SEPTIN10: variants seen among roughly 807,000 people sequenced by gnomAD.
SEPTIN10 encodes septin-10.
In SEPTIN10, 66 loss-of-function variants were observed where a neutral mutation model predicts 54.8. The observed-to-expected ratio is 1.21, with a 90% CI of 0.99 to 1.48. SEPTIN10 has a LOEUF of 1.48. Among genes scored for constraint, SEPTIN10 ranks in the 40% most tolerant of loss-of-function variants. The probability of loss-of-function intolerance (pLI) is 0.00; values close to 1 mark genes in which losing one functional copy is unlikely to be tolerated. For synonymous variants in SEPTIN10, 161 were observed against 181.0 expected (o/e 0.89, Z 0.89); for missense variants, 620 against 545.6 (o/e 1.14, Z -1.36).
At chr2:109,592,064 G>A (rs1372417689) in intron 2 of SEPTIN10, among the ~76,000 whole-genome samples, 1 of 152,094 alleles carries the variant, frequency 6.6e-6, no homozygotes, top group East Asian at 1.9e-4. Context: ...GAAGCATAAG[G>A]TGTAATCTTG....
At chr2:109,588,619 G>A (rs1371250610) in intron 2 of SEPTIN10, among the ~76,000 whole-genome samples, 5 of 151,968 alleles carry the variant, frequency 3.3e-5, no homozygotes, top group Non-Finnish European at 7.4e-5. Context: ...TCAGCCTCAC[G>A]AGTAGCTGGG....
At chr2:109,560,428 G>C (rs1309971271) in intron 8 of SEPTIN10, among the ~76,000 whole-genome samples, 1 of 152,130 alleles carries the variant, frequency 6.6e-6, no homozygotes, top group East Asian at 1.9e-4. Flanking sequence ...TCTCCTATCT[G>C]CTCCTCCAGC....
chr2:109,569,379 C>T (rs151072799), intron 5 of SEPTIN10, among the ~76,000 whole-genome samples: 3,545 of 150,208 alleles, frequency 0.024, 61 homozygotes, highest in Middle Eastern at 0.062. Flanking sequence ...TGCAGTGAGC[C>T]GAGATCGCGT....
At chr2:109,575,973 T>C (rs971559145) in intron 4 of SEPTIN10, among the ~76,000 whole-genome samples, 4 of 152,136 alleles carry the variant, frequency 2.6e-5, no homozygotes, top group Non-Finnish European at 5.9e-5. Flanking sequence ...AGAACTAGCA[T>C]AGGCCAGGCT....
At chr2:109,556,130 T>A (rs188960682) in intron 8 of SEPTIN10, among the ~76,000 whole-genome samples, 196 of 152,322 alleles carry the variant, frequency 1.3e-3, no homozygotes, top group African/African-American at 4.5e-3. Context: ...TTAACCAGCA[T>A]AACCAGCAGA....
chr2:109,561,138 A>C (rs1009392722), intron 8 of SEPTIN10, among the ~76,000 whole-genome samples: 6 of 152,060 alleles, frequency 3.9e-5, no homozygotes, highest in Non-Finnish European at 8.8e-5. Context: ...CTCTTCTCTC[A>C]TCTCACGTGA....
chr2:109,543,645 T>C lies in SEPTIN10; in HGVS notation c.*664A>G. ...AAATGTAATCAGATAGCCACGATAT[T>C]AATGGGTTCTGTATTTTCAGTGGCA... On this transcript the variant is annotated 3_prime_UTR_variant, in exon 11 of 11. Coordinates refer to ENST00000397712, the MANE Select transcript of SEPTIN10 (RefSeq NM_144710.5). The C allele has an allele frequency of 6.6e-6, 1 of 152,370 alleles. No homozygotes were observed. Among genetic ancestry groups the C allele is most frequent in the Admixed American group, 6.5e-5 (1 of 15,292 alleles). The allele number at this position is 152,370 out of a possible 1,614,324, so 9.4% of individuals were successfully genotyped here. A position where few individuals can be genotyped will look rare whatever the true frequency, so the allele number is the denominator to read the frequency against.
At chr2:109,584,235 G>A (rs1402544938) in intron 4 of SEPTIN10, among the ~76,000 whole-genome samples, 3 of 152,242 alleles carry the variant, frequency 2.0e-5, no homozygotes, top group East Asian at 3.9e-4. Context: ...CTAGCACTTC[G>A]GGAGGCCGAG....
chr2:109,558,928 C>T (rs1387391349), intron 8 of SEPTIN10, among the ~76,000 whole-genome samples: 1 of 152,004 alleles, frequency 6.6e-6, no homozygotes, highest in Non-Finnish European at 1.5e-5. Flanking sequence ...CTCTGTTGCC[C>T]AGGCTGGAGT....
intron 6 of SEPTIN10, among the ~76,000 whole-genome samples, chr2:109,566,824 G>A (rs1191814920): frequency 1.3e-5 from 2 of 152,138 alleles, no homozygotes; most frequent in Admixed American, 1.3e-4. Context: ...TGGTCTGTCT[G>A]AAGTTGAGGA....
intron 4 of SEPTIN10, 91 bp downstream of exon 4, chr2:109,585,035 T>A: frequency 1.6e-6 from 1 of 632,022 alleles, no homozygotes; most frequent in Non-Finnish European, 2.6e-6. Context: ...TGGATTACCA[T>A]AGGAGAAAAT....
chr2:109,574,475 AG>A, intron 5 of SEPTIN10, 105 bp downstream of exon 5: 1 of 669,754 alleles, frequency 1.5e-6, no homozygotes. Flanking sequence ...AATTTAAAAA[AG>A]ATGCACAGGA....
intron 4 of SEPTIN10, 88 bp from the exon 5 acceptor site, chr2:109,574,855 T>C: frequency 1.1e-6 from 1 of 890,052 alleles, no homozygotes; most frequent in Non-Finnish European, 1.6e-6. Context: ...GGTCTATATT[T>C]TCACTAATTA....
In SEPTIN10 at chr2:109,567,936, G is replaced by A. The variant is rs751241879; in HGVS notation, c.641C>T (p.Ser214Phe). 5.6e-6 allele frequency: 9 copies of A among 1,613,508 alleles called. No individual in the cohort carries two copies. The highest frequency in any genetic ancestry group is 2.2e-5 in the East Asian group (1 of 44,872). ...CTTAAACTTCTGTAATTCAGTTTTAGAAACCGTATCTGCTTTGGCAATCAC... is the reference window on the plus strand; with the variant it reads ...CTTAAACTTCTGTAATTCAGTTTTAAAAACCGTATCTGCTTTGGCAATCAC... Reference protein sequence around the residue: ...IPVIAKADTVSKTELQKFKIK... With the variant: ...IPVIAKADTVFKTELQKFKIK... The change falls in exon 6 of 11, where the codon TCT (serine) becomes TTT (phenylalanine). Residue 214 changes from serine (S) to phenylalanine (F), a missense_variant. By Grantham distance (155) the Ser-to-Phe change is radical. Coordinates refer to ENST00000397712, the MANE Select transcript of SEPTIN10 (RefSeq NM_144710.5).
At chr2:109,557,969 T>A (rs1314261021) in intron 8 of SEPTIN10, among the ~76,000 whole-genome samples, 1 of 152,014 alleles carries the variant, frequency 6.6e-6, no homozygotes, top group Non-Finnish European at 1.5e-5. Flanking sequence ...ATTTCTGTAT[T>A]CTTTGTAGAG....
chr2:109,558,434 A>AT (rs1684880417), intron 8 of SEPTIN10, among the ~76,000 whole-genome samples: 1 of 152,230 alleles, frequency 6.6e-6, no homozygotes, highest in South Asian at 2.1e-4. Flanking sequence ...AATGACAGTG[A>AT]TTTTGTGCTA....
chr2:109,568,917 G>A (rs1243159148), intron 5 of SEPTIN10, among the ~76,000 whole-genome samples: 2 of 152,162 alleles, frequency 1.3e-5, no homozygotes, highest in African/African-American at 4.8e-5. Context: ...ATTATTTGAA[G>A]TCCTATCACT....
chr2:109,607,227 A>G (rs1227774975), intron 1 of SEPTIN10, among the ~76,000 whole-genome samples: 1 of 152,220 alleles, frequency 6.6e-6, no homozygotes. Context: ...AGCTGCTTGG[A>G]GTAAGACTAC....
intron 5 of SEPTIN10, among the ~76,000 whole-genome samples, chr2:109,568,930 C>G (rs1687713529): frequency 6.6e-6 from 1 of 152,180 alleles, no homozygotes; most frequent in Non-Finnish European, 1.5e-5. Context: ...CTATCACTGA[C>G]AGAGGGCAAG....
Sources: gnomAD v4.1 joint callset for allele counts (sites outside exome capture counted in the v4.1 genomes callset) on GRCh38, gnomAD v4.1.1 for gene constraint, MANE v1.5 for transcripts, NCBI Gene and HGNC (gene_info 2026-07-23, HGNC 2026-07-21) for gene names.